Variants in ARID4A observed in about 807,000 individuals in gnomAD.
The protein encoded by ARID4A is AT-rich interactive domain-containing protein 4A.
A neutral mutation model predicts 148.6 loss-of-function variants in ARID4A; 39 were observed. The observed-to-expected ratio is 0.26, with a 90% CI of 0.20 to 0.34. The LOEUF is 0.34. Ranked by LOEUF, ARID4A falls within the 10% of genes least tolerant of loss-of-function variation. The pLI, the probability that ARID4A is intolerant of heterozygous loss-of-function variation, is 1.00. For missense variants in ARID4A, 1,265 were observed against 1,449.1 expected (o/e 0.87, Z 2.06); for synonymous variants, 475 against 481.2 (o/e 0.99, Z 0.17).
chr14:58,301,963 T>C (rs2031205725), intron 3 of ARID4A, among the ~76,000 whole-genome samples: 1 of 152,214 alleles, frequency 6.6e-6, no homozygotes, highest in Non-Finnish European at 1.5e-5. Flanking sequence ...ATCTATTTTC[T>C]CCCCTCATTT....
intron 11 of ARID4A, among the ~76,000 whole-genome samples, chr14:58,340,845 C>A (rs1485487075): frequency 6.6e-6 from 1 of 152,206 alleles, no homozygotes; most frequent in Non-Finnish European, 1.5e-5. Flanking sequence ...CTGACTCTTG[C>A]ATTTATATTA....
At chr14:58,341,860 A>G (rs952030544) in intron 11 of ARID4A, among the ~76,000 whole-genome samples, 2 of 152,212 alleles carry the variant, frequency 1.3e-5, no homozygotes, top group African/African-American at 2.4e-5. Context: ...TATTCTTTAC[A>G]TGTATAAATG....
chr14:58,307,806 G>A (rs2031724060), intron 5 of ARID4A, among the ~76,000 whole-genome samples: 1 of 152,146 alleles, frequency 6.6e-6, no homozygotes, highest in African/African-American at 2.4e-5. Context: ...GGCAACAAGA[G>A]CAAAACTGCG....
chr14:58,311,912 T>C, intron 5 of ARID4A, among the ~76,000 whole-genome samples: 1 of 7,092 alleles, frequency 1.4e-4, no homozygotes, highest in South Asian at 6.8e-3. Context: ...TTATCAGGGG[T>C]GGGGGCAGCT....
At position 58,361,948 on chromosome 14, in the gene ARID4A, G is replaced by T. The variant is rs534517410; in HGVS notation, c.2080+906G>T. Among the ~76,000 whole-genome samples, 965 of 152,236 alleles carry T rather than the reference G, an allele frequency of 6.3e-3. 14 individuals are homozygous for T. Among genetic ancestry groups the T allele is most frequent in the African/African-American group, 0.022 (916 of 41,528 alleles). ...TTTAAACTATAAAATTTGATTTGAAGAAAATATTTTGCTGTATCATTTTTA... is the reference window on the plus strand; with the variant it reads ...TTTAAACTATAAAATTTGATTTGAATAAAATATTTTGCTGTATCATTTTTA... On this transcript the variant is annotated intron_variant, in intron 19 of 23. Coordinates refer to ENST00000355431, the MANE Select transcript of ARID4A (RefSeq NM_002892.4).
intron 15 of ARID4A, among the ~76,000 whole-genome samples, chr14:58,349,843 G>A (rs1247858404): frequency 6.6e-6 from 1 of 152,120 alleles, no homozygotes; most frequent in Non-Finnish European, 1.5e-5. Context: ...GGGCACGGTG[G>A]CTCACGCCTG....
chr14:58,307,351 C>G (rs1416854862), intron 5 of ARID4A, among the ~76,000 whole-genome samples: 1 of 152,232 alleles, frequency 6.6e-6, no homozygotes, highest in Non-Finnish European at 1.5e-5. Flanking sequence ...ATTTCTCTGT[C>G]TTACCCTGTA....
chr14:58,335,065 C>T (rs2033740852), intron 11 of ARID4A, among the ~76,000 whole-genome samples: 1 of 152,154 alleles, frequency 6.6e-6, no homozygotes, highest in Non-Finnish European at 1.5e-5. Context: ...TTACTAAGGT[C>T]ACCAGTGACT....
In ARID4A at chr14:58,299,516, TC is replaced by T. The variant is rs2030932564; in HGVS notation, c.-57-280del. 1.2e-5 allele frequency: 5 copies of T among 417,120 alleles called. No individual in the cohort carries two copies. In the South Asian group the frequency reaches 1.3e-4, roughly 11 times the overall value. 25.8% of individuals were successfully genotyped at this position (417,120 alleles called of 1,614,324 possible). A position where few individuals can be genotyped will look rare whatever the true frequency, so the allele number is the denominator to read the frequency against. ...CTCTGGCCTTTTCCGGAGCTATCTG[TC>T]CTGGAGCTCCGAGTTGAGCATTCCG... is the stretch of plus-strand genomic sequence containing the variant. On this transcript the variant is annotated intron_variant, in intron 1 of 23. Transcript: ENST00000355431.
At chr14:58,370,616 C>T (rs901601642) in intron 23 of ARID4A, among the ~76,000 whole-genome samples, 1 of 150,726 alleles carries the variant, frequency 6.6e-6, no homozygotes, top group African/African-American at 2.4e-5. Context: ...TTTTTATTAC[C>T]GTCTTTTTTG....
At chr14:58,310,820 A>G (rs1217491694) in intron 5 of ARID4A, among the ~76,000 whole-genome samples, 1 of 152,086 alleles carries the variant, frequency 6.6e-6, no homozygotes. Context: ...AAAAGAAACA[A>G]TCCAGAGAGT....
chr14:58,327,287 T>C (rs1470750958), intron 8 of ARID4A, among the ~76,000 whole-genome samples: 2 of 152,226 alleles, frequency 1.3e-5, no homozygotes, highest in African/African-American at 4.8e-5. Context: ...GGTGCTGGAA[T>C]GTAGCAGAGA....
Position 58,301,618 on chromosome 14 carries a change from T to C in ARID4A, c.45T>C (p.Asp15=), listed in dbSNP as rs145943411. 112 of 1,614,102 alleles carry C rather than the reference T, an allele frequency of 6.9e-5. 1 individual carries two copies. In the African/African-American group the frequency reaches 1.1e-3, roughly 17 times the overall value. Residue 15 remains aspartate, a synonymous_variant, in exon 3 of 24, where the codon GAT becomes GAC. Transcript: ENST00000355431. ...CTGCCTACCTGACAGTGGGAACCGATGTCAGTGCCAAGTACCGAGGTGCCT... is the reference window on the plus strand; with the variant it reads ...CTGCCTACCTGACAGTGGGAACCGACGTCAGTGCCAAGTACCGAGGTGCCT... ...DEPAYLTVGT[D]VSAKYRGAFC...
chr14:58,371,892 A>C lies in ARID4A; in HGVS notation c.3677A>C (p.His1226Pro). ...RLKKKDREVSHAGASMSSASS... is the reference protein window; with the variant it reads ...RLKKKDREVSPAGASMSSASS... ...AGTTGTTTTGATTCCACAGTGTCTC[A>C]TGCGGGAGCCTCCATGTCATCTGCT... is the stretch of plus-strand genomic sequence containing the variant. The change falls in exon 24 of 24, where the codon CAT (histidine) becomes CCT (proline). Residue 1226 changes from histidine (H) to proline (P), a missense_variant. His to Pro is a moderately conservative substitution (Grantham distance 77). Coordinates refer to ENST00000355431, the MANE Select transcript of ARID4A (RefSeq NM_002892.4). The C allele has an allele frequency of 6.2e-7, 1 of 1,612,762 alleles. No individual in the cohort carries two copies. The highest frequency in any genetic ancestry group is 1.3e-5 in the African/African-American group (1 of 75,054).
rs531982384 is a variant in ARID4A, at chr14:58,313,960, T to G, written c.275-4582T>G. Among the ~76,000 whole-genome samples, 36 of 152,344 alleles carry G rather than the reference T, an allele frequency of 2.4e-4. No individual in the cohort carries two copies. In the South Asian group the frequency reaches 5.6e-3, roughly 24 times the overall value. ...TGGTTCACTGGCACATGTGCCAGTT[T>G]CCTCTGGCACACCCAGAAGTAATTG... is the stretch of plus-strand genomic sequence containing the variant. On this transcript the variant is annotated intron_variant, in intron 5 of 23. Coordinates refer to ENST00000355431, the MANE Select transcript of ARID4A (RefSeq NM_002892.4).
In ARID4A at chr14:58,350,100, TA is replaced by T. The variant is rs758927898; in HGVS notation, c.1405-948del. On this transcript the variant is annotated intron_variant, in intron 15 of 23. Transcript: ENST00000355431. Reference sequence around the variant, plus strand: ...CTGGCAACAGAGCGAGACTCTGTCTTAAAAAAAAAAAAAAAAAAAAAAAAAG... The same window carrying T: ...CTGGCAACAGAGCGAGACTCTGTCTTAAAAAAAAAAAAAAAAAAAAAAAAG... 9.4e-3 allele frequency among the ~76,000 whole-genome samples: 785 copies of T among 83,804 alleles called. 1 individual carries two copies. Among genetic ancestry groups the T allele is most frequent in the Middle Eastern group, 0.029 (4 of 140 alleles). 55.0% of individuals were successfully genotyped at this position (83,804 alleles called of 152,430 possible).
intron 5 of ARID4A, among the ~76,000 whole-genome samples, chr14:58,307,497 A>T (rs1308217574): frequency 5.3e-5 from 8 of 152,338 alleles, no homozygotes; most frequent in African/African-American, 1.9e-4. Context: ...TAGGAAGCTT[A>T]GTTGTGGCTA....
chr14:58,371,149 G>T (rs1429088207), intron 23 of ARID4A, among the ~76,000 whole-genome samples: 1 of 152,092 alleles, frequency 6.6e-6, no homozygotes, highest in Non-Finnish European at 1.5e-5. Flanking sequence ...AATTAGCTGG[G>T]TACAGTGGCA....
chr14:58,368,251 C>A (rs561003717), intron 23 of ARID4A, among the ~76,000 whole-genome samples: 18 of 152,170 alleles, frequency 1.2e-4, no homozygotes, highest in Non-Finnish European at 2.1e-4. Context: ...AGGCCTAATC[C>A]TCTTGGCTTC....
Sources: gnomAD v4.1 joint callset for allele counts (sites outside exome capture counted in the v4.1 genomes callset) on GRCh38, gnomAD v4.1.1 for gene constraint, MANE v1.5 for transcripts, NCBI Gene and HGNC (gene_info 2026-07-23, HGNC 2026-07-21) for gene names.